RNF19A: variants seen among roughly 807,000 people sequenced by gnomAD.
The protein encoded by RNF19A is ring finger protein 19A, RBR E3 ubiquitin protein ligase.
RNF19A carries 32 observed loss-of-function variants against 75.7 expected under a neutral mutation model. That is an observed-to-expected ratio of 0.42 (90% CI 0.32 to 0.57). RNF19A has a LOEUF of 0.57. RNF19A is among the 20% of genes least tolerant of loss of function. The probability of loss-of-function intolerance (pLI) is 0.10; values close to 1 mark genes in which losing one functional copy is unlikely to be tolerated. For missense variants in RNF19A, 782 were observed against 1,036.3 expected (o/e 0.75, Z 3.37); for synonymous variants, 335 against 345.2 (o/e 0.97, Z 0.33).
intron 7 of RNF19A, among the ~76,000 whole-genome samples, chr8:100,262,604 T>G (rs1249032273): frequency 6.6e-6 from 1 of 152,114 alleles, no homozygotes; most frequent in Non-Finnish European, 1.5e-5. Context: ...TGATAAGGAC[T>G]TTGGATTTTC....
chr8:100,276,005 A>T (rs928914806), intron 2 of RNF19A, among the ~76,000 whole-genome samples: 32 of 152,276 alleles, frequency 2.1e-4, no homozygotes, highest in African/African-American at 7.7e-4. Context: ...AAAGACTGAG[A>T]ACTGTAGATT....
rs572848700 is a variant in RNF19A at position 100,325,261 on chromosome 8, T to C, written c.-243+10847A>G. On this transcript the variant is annotated intron_variant, in intron 1 of 3. Coordinates refer to the RNF19A transcript ENST00000519527. This position sits in a 1 kb window ranked among gnomAD's most constrained non-coding sequence, Gnocchi z 4.3. ...CTAGAAGAAGAAACATGTTTGATAC[T>C]GAAGGCAGAGAACTTAAGAGCCTGA... Among the ~76,000 whole-genome samples, 1 of 152,358 alleles carries C rather than the reference T, an allele frequency of 6.6e-6. No individual in the cohort carries two copies. The highest frequency in any genetic ancestry group is 1.9e-4 in the East Asian group (1 of 5,190).
At chr8:100,277,580 C>G (rs1417878992) in intron 2 of RNF19A, among the ~76,000 whole-genome samples, 2 of 147,346 alleles carry the variant, frequency 1.4e-5, no homozygotes, top group African/African-American at 5.2e-5. Flanking sequence ...CCAAGTACCA[C>G]GTACTCTTTA....
chr8:100,308,905 T>TA (rs1440353807), intron 1 of RNF19A, among the ~76,000 whole-genome samples: 1 of 152,118 alleles, frequency 6.6e-6, no homozygotes, highest in African/African-American at 2.4e-5. Context: ...TTAAGCAGAG[T>TA]AAAGCATCGT....
At chr8:100,296,106 T>C (rs1181943981) in intron 1 of RNF19A, among the ~76,000 whole-genome samples, 1 of 152,168 alleles carries the variant, frequency 6.6e-6, no homozygotes, top group Non-Finnish European at 1.5e-5. Context: ...TTTTCTTTTT[T>C]TCCTTTTTTT....
In RNF19A at chr8:100,260,466, C is replaced by T. The variant is rs369364210; in HGVS notation, c.1683-469G>A. ...ATATATATTTTTAGAGACAGGGTCTCGTTATGTTGCCCAGGCTGGTCTCAA... is the reference window on the plus strand; with the variant it reads ...ATATATATTTTTAGAGACAGGGTCTTGTTATGTTGCCCAGGCTGGTCTCAA... On this transcript the variant is annotated intron_variant, in intron 8 of 9. Coordinates refer to ENST00000341084, the MANE Select transcript of RNF19A (RefSeq NM_183419.4). This position sits in a 1 kb window ranked among gnomAD's most constrained non-coding sequence, Gnocchi z 4.1. Among the ~76,000 whole-genome samples the T allele has an allele frequency of 3.3e-5, 5 of 152,104 alleles. No individual in the cohort carries two copies. The highest frequency in any genetic ancestry group is 4.1e-4 in the South Asian group (2 of 4,826).
In RNF19A at chr8:100,282,054, C is replaced by G. The variant is rs540419948; in HGVS notation, c.674+5447G>C. ...AGGCCTTCAGTTGTTCTCAGGGCTA[C>G]ATGCCTGAGACTAGTTGGGGAAGTC... On this transcript the variant is annotated intron_variant, in intron 2 of 9. Coordinates refer to ENST00000341084, the MANE Select transcript of RNF19A (RefSeq NM_183419.4). Among the ~76,000 whole-genome samples, 178 of 152,276 alleles carry G rather than the reference C, an allele frequency of 1.2e-3. 1 individual carries two copies. The highest frequency in any genetic ancestry group is 4.0e-3 in the African/African-American group (167 of 41,542).
At chr8:100,310,082 A>G (rs1822242760), upstream of RNF19A, 1 of 985,352 alleles carries the variant, frequency 1.0e-6, no homozygotes, top group Non-Finnish European at 1.2e-6. Context: ...GCTCCCGGGA[A>G]CCAGCGCCGC....
At chr8:100,277,273 G>C (rs1284319347) in intron 2 of RNF19A, among the ~76,000 whole-genome samples, 1 of 152,112 alleles carries the variant, frequency 6.6e-6, no homozygotes, top group Non-Finnish European at 1.5e-5. Flanking sequence ...TTAAGAGTCA[G>C]GGAGTTCCCT....
chr8:100,334,706 C>T (rs535908046), intron 1 of RNF19A, among the ~76,000 whole-genome samples: 2 of 152,298 alleles, frequency 1.3e-5, no homozygotes, highest in Non-Finnish European at 2.9e-5. Flanking sequence ...CCTTTCAAGA[C>T]CCAGCCCCGC....
intron 1 of RNF19A, among the ~76,000 whole-genome samples, chr8:100,308,737 T>C (rs1279731009): frequency 6.6e-6 from 1 of 151,940 alleles, no homozygotes. Flanking sequence ...AGACAACCGA[T>C]CAAAGGAAAG....
intron 1 of RNF19A, among the ~76,000 whole-genome samples, chr8:100,308,977 T>C (rs76362191): frequency 0.045 from 6,821 of 152,294 alleles, 214 homozygotes; most frequent in Middle Eastern, 0.085. Context: ...CTCCCATATA[T>C]AGCCTTAACC....
intron 2 of RNF19A, among the ~76,000 whole-genome samples, chr8:100,283,143 A>C (rs180819312): frequency 3.4e-4 from 52 of 152,366 alleles, no homozygotes; most frequent in African/African-American, 1.1e-3. Context: ...ATGTTCTTGT[A>C]TATTCAAAGC....
At chr8:100,289,869 T>C (rs1821206669) in intron 1 of RNF19A, among the ~76,000 whole-genome samples, 1 of 152,158 alleles carries the variant, frequency 6.6e-6, no homozygotes, top group Admixed American at 6.5e-5. Context: ...AGTAATAATA[T>C]TCAAAATATT....
chr8:100,273,057 G>A (rs1820335137), intron 3 of RNF19A, among the ~76,000 whole-genome samples: 1 of 151,396 alleles, frequency 6.6e-6, no homozygotes, highest in Non-Finnish European at 1.5e-5. Context: ...TGTAGAGAAG[G>A]AGTCTCGCCA....
At chr8:100,310,297 C>G (rs528431787), upstream of RNF19A, 1 of 961,616 alleles carries the variant, frequency 1.0e-6, no homozygotes, top group Non-Finnish European at 1.2e-6. Flanking sequence ...AGCCGCCCCG[C>G]TGCACCCGGG....
upstream of RNF19A, among the ~76,000 whole-genome samples, chr8:100,312,129 A>T (rs1226991679): frequency 6.6e-6 from 1 of 152,152 alleles, no homozygotes; most frequent in Non-Finnish European, 1.5e-5. Context: ...TCCAATTCAT[A>T]ACTAACCACC....
rs1822407829 is a variant in RNF19A at position 100,317,975 on chromosome 8, C to T, written c.-242-4603G>A. ...GTGACATTTTTGCCCCTGGATAGGG[C>T]CTAGAACACCCCCTCCCCACCCTCT... On this transcript the variant is annotated intron_variant, in intron 1 of 3. Transcript: ENST00000519527. The surrounding 1 kb of genome is among the most constrained non-coding windows in gnomAD (Gnocchi z 4.3). 1.3e-5 allele frequency among the ~76,000 whole-genome samples: 2 copies of T among 152,096 alleles called. No individual in the cohort carries two copies. Among genetic ancestry groups the T allele is most frequent in the African/African-American group, 4.8e-5 (2 of 41,396 alleles).
intron 7 of RNF19A, among the ~76,000 whole-genome samples, chr8:100,262,685 A>G (rs950762077): frequency 6.6e-6 from 1 of 152,184 alleles, no homozygotes; most frequent in South Asian, 2.1e-4. Flanking sequence ...CAGGGTTTAG[A>G]CATGTGACTA....
Sources: gnomAD v4.1 joint callset for allele counts (sites outside exome capture counted in the v4.1 genomes callset) on GRCh38, gnomAD v4.1.1 for gene constraint, Gnocchi (gnomAD v3.1) non-coding constraint, MANE v1.5 for transcripts, NCBI Gene and HGNC (gene_info 2026-07-23, HGNC 2026-07-21) for gene names.